The following DMD variants were observed in gnomAD, a reference collection of about 807,000 sequenced individuals.
DMD encodes the protein dystrophin.
Under a neutral mutation model 330.1 loss-of-function variants are expected in DMD, and 63 were observed. The ratio of observed to expected loss-of-function variants is 0.19; its 90% CI spans 0.16 to 0.24. The LOEUF (loss-of-function observed/expected upper bound fraction) is 0.24. DMD is among the 10% of genes least tolerant of loss of function. The pLI, the probability that DMD is intolerant of heterozygous loss-of-function variation, is 1.00. For synonymous variants in DMD, 1,223 were observed against 959.8 expected (o/e 1.27, Z -5.07); for missense variants, 3,344 against 2,684.1 (o/e 1.25, Z -5.43).
At chrX:31,473,532 C>T (rs761284991) in intron 59 of DMD, among the ~76,000 whole-genome samples, 96 of 108,120 alleles carry the variant, frequency 8.9e-4, no homozygotes, top group South Asian at 7.5e-3. Context: ...CCATCCTGGC[C>T]AACATGGTGA....
rs144279771 is a variant in DMD at position 32,730,454 on chromosome X, T to C, written c.650-31161A>G. On this transcript the variant is annotated intron_variant, in intron 7 of 78. Coordinates refer to ENST00000357033, the MANE Select transcript of DMD (RefSeq NM_004006.3). Reference sequence around the variant, plus strand: ...ACACCAAAGTAGGACACAAAAACAATTTGAATGTTTATGAAAAAGAGTACT... The same window carrying C: ...ACACCAAAGTAGGACACAAAAACAACTTGAATGTTTATGAAAAAGAGTACT... Among the ~76,000 whole-genome samples, 622 of 112,267 alleles carry C rather than the reference T, an allele frequency of 5.5e-3. 10 individuals are homozygous for C. Among genetic ancestry groups the C allele is most frequent in the East Asian group, 0.041 (147 of 3,546 alleles).
intron 1 of DMD, among the ~76,000 whole-genome samples, chrX:33,023,361 A>G: frequency 1.8e-5 from 2 of 111,779 alleles, no homozygotes; most frequent in Non-Finnish European, 1.9e-5. Context: ...AACATTATGA[A>G]AACCTTTATG....
chrX:31,516,008 G>A (rs1446809975), intron 55 of DMD, among the ~76,000 whole-genome samples: 1 of 111,262 alleles, frequency 9.0e-6, no homozygotes, highest in Non-Finnish European at 1.9e-5. Context: ...TATCCAACAT[G>A]ACTCATTAAA....
At chrX:32,714,944 C>A (rs1016454911) in intron 7 of DMD, among the ~76,000 whole-genome samples, 1 of 111,141 alleles carries the variant, frequency 9.0e-6, no homozygotes, top group Admixed American at 9.6e-5. Context: ...ATCGTTCCCC[C>A]ACCCTCTGAC....
chrX:32,784,092 G>T (rs1322775531), intron 7 of DMD, among the ~76,000 whole-genome samples: 1 of 110,517 alleles, frequency 9.0e-6, no homozygotes, highest in Non-Finnish European at 1.9e-5. Context: ...GATGATCTCA[G>T]CCATTAAAGA....
chrX:32,472,364 A>G (rs2040749289), intron 21 of DMD, 55 bp from the exon 22 acceptor site: 1 of 1,147,831 alleles, frequency 8.7e-7, no homozygotes, highest in South Asian at 1.9e-5. Context: ...ACACTTTGCC[A>G]TGTTTTCCTA....
At chrX:31,272,902 T>C (rs2051773982) in intron 62 of DMD, among the ~76,000 whole-genome samples, 1 of 112,431 alleles carries the variant, frequency 8.9e-6, no homozygotes, top group African/African-American at 3.2e-5. Context: ...AGTTTTTCTT[T>C]CTACCTGACA....
At chrX:33,000,146 G>C (rs1214714788) in intron 2 of DMD, among the ~76,000 whole-genome samples, 1 of 111,583 alleles carries the variant, frequency 9.0e-6, no homozygotes, top group Non-Finnish European at 1.9e-5. Flanking sequence ...GTATTGAAAG[G>C]AGTTTTAGTA....
chrX:32,633,828 C>T (rs751580845), intron 11 of DMD, among the ~76,000 whole-genome samples: 1 of 111,013 alleles, frequency 9.0e-6, no homozygotes, highest in South Asian at 3.8e-4. Context: ...GAGGGTGCCA[C>T]GCTTTTAAAC....
chrX:31,895,304 T>G (rs1251985414), intron 47 of DMD, among the ~76,000 whole-genome samples: 5 of 111,976 alleles, frequency 4.5e-5, no homozygotes, highest in Non-Finnish European at 9.4e-5. Context: ...TAAAAGGTAC[T>G]CTGTTGGCTC....
At chrX:31,694,799 G>A (rs1399994011) in intron 52 of DMD, among the ~76,000 whole-genome samples, 1 of 108,296 alleles carries the variant, frequency 9.2e-6, no homozygotes. Context: ...AGAGAATAAG[G>A]AAACCTTATC....
At chrX:32,127,222 T>A (rs2096665753) in intron 44 of DMD, among the ~76,000 whole-genome samples, 1 of 111,857 alleles carries the variant, frequency 8.9e-6, no homozygotes, top group Non-Finnish European at 1.9e-5. Context: ...CAGGAAAATT[T>A]AATGTTTGTT....
intron 7 of DMD, among the ~76,000 whole-genome samples, chrX:32,743,079 C>T (rs1221468218): frequency 9.0e-6 from 1 of 111,452 alleles, no homozygotes; most frequent in Non-Finnish European, 1.9e-5. Context: ...GCTCCTGCAT[C>T]TCTTTGCCTA....
intron 71 of DMD, among the ~76,000 whole-genome samples, chrX:31,175,551 C>T (rs181267648): frequency 3.3e-3 from 368 of 110,697 alleles, no homozygotes; most frequent in African/African-American, 0.012. Flanking sequence ...AAAGGGAGTA[C>T]TGGTCAGAGA....
intron 42 of DMD, among the ~76,000 whole-genome samples, chrX:32,301,778 G>T (rs1190493582): frequency 9.0e-6 from 1 of 110,883 alleles, no homozygotes; most frequent in Non-Finnish European, 1.9e-5. Flanking sequence ...AATAATTTTT[G>T]TCATGGTTCT....
chrX:31,680,137 T>A (rs753528010), intron 52 of DMD, among the ~76,000 whole-genome samples: 1 of 111,839 alleles, frequency 8.9e-6, no homozygotes, highest in Admixed American at 9.5e-5. Flanking sequence ...CTCTGAGGCA[T>A]GTATTTTACA....
chrX:32,196,781 C>G lies in DMD; in HGVS notation c.6438+20135G>C, dbSNP rs750527921. 4.2e-3 allele frequency among the ~76,000 whole-genome samples: 462 copies of G among 109,490 alleles called. 1 individual carries two copies. The highest frequency in any genetic ancestry group is 5.3e-3 in the Non-Finnish European group (278 of 52,561). On this transcript the variant is annotated intron_variant, in intron 44 of 78. Coordinates refer to ENST00000357033, the MANE Select transcript of DMD (RefSeq NM_004006.3). ...TGGGCAGATCACGAGGTCAGGAGAT[C>G]GAGACCATCCTGGCTAACACGGTGA...
At chrX:33,261,924 A>AACCACCACC (rs747997803) in intron 1 of DMD, among the ~76,000 whole-genome samples, 1 of 100,878 alleles carries the variant, frequency 9.9e-6, no homozygotes, top group Non-Finnish European at 2.0e-5. Context: ...AAAGGCAGAA[A>AACCACCACC]ACCACCACCA....
At chrX:33,184,289 C>T (rs755452086) in intron 1 of DMD, among the ~76,000 whole-genome samples, 11 of 111,892 alleles carry the variant, frequency 9.8e-5, no homozygotes, top group Non-Finnish European at 1.7e-4. Context: ...CACACATTTA[C>T]GGTATCCTCA....
Sources: gnomAD v4.1 joint callset for allele counts (sites outside exome capture counted in the v4.1 genomes callset) on GRCh38, gnomAD v4.1.1 for gene constraint, MANE v1.5 for transcripts, NCBI Gene and HGNC (gene_info 2026-07-23, HGNC 2026-07-21) for gene names.